FKTN: variants seen among roughly 807,000 people sequenced by gnomAD.
FKTN encodes the protein fukutin, also known as ribitol-5-phosphate transferase FKTN.
A neutral mutation model predicts 58.6 loss-of-function variants in FKTN; 47 were observed. The observed-to-expected ratio is 0.80, with a 90% CI of 0.63 to 1.02. The LOEUF is 1.02. Among genes scored for constraint, FKTN ranks in the 50% least tolerant of loss-of-function variants. The pLI is 0.00. For missense variants in FKTN, 516 were observed against 537.3 expected (o/e 0.96, Z 0.39); for synonymous variants, 178 against 191.9 (o/e 0.93, Z 0.60).
In FKTN at chr9:105,611,807, A is replaced by G. The variant is rs180744160; in HGVS notation, c.781-3471A>G. 1.2e-3 allele frequency among the ~76,000 whole-genome samples: 181 copies of G among 152,314 alleles called. 2 individuals are homozygous for G. Among genetic ancestry groups the G allele is most frequent in the African/African-American group, 4.3e-3 (178 of 41,574 alleles). ...TTGTGAATAGTGCTGCAGGGAACACACACATGTATGTGTCTTTATAAGAGA... is the reference window on the plus strand; with the variant it reads ...TTGTGAATAGTGCTGCAGGGAACACGCACATGTATGTGTCTTTATAAGAGA... On this transcript the variant is annotated intron_variant, in intron 7 of 10. Coordinates refer to ENST00000357998, the MANE Select transcript of FKTN (RefSeq NM_001079802.2).
chr9:105,606,821 A>T (rs1220165626), intron 6 of FKTN, among the ~76,000 whole-genome samples: 5 of 151,672 alleles, frequency 3.3e-5, no homozygotes, highest in Non-Finnish European at 7.4e-5. Context: ...TTTTTTGTGT[A>T]TGAAAAGTCG....
At chr9:105,578,128 G>A in intron 3 of FKTN, among the ~76,000 whole-genome samples, 1 of 151,432 alleles carries the variant, frequency 6.6e-6, no homozygotes. Context: ...GGGACAGTTT[G>A]ACTTCCTCTT....
rs753641411 is a variant in FKTN at position 105,596,632 on chromosome 9, G to A, written c.140G>A (p.Arg47Gln). Residue 47 changes from arginine (R) to glutamine (Q), a missense_variant, in exon 4 of 11, where the codon CGA (arginine) becomes CAA (glutamine). Physicochemically the swap from Arg to Gln is conservative, Grantham distance 43. Coordinates refer to ENST00000357998, the MANE Select transcript of FKTN (RefSeq NM_001079802.2). ...GGTTTGTCAAAATCCAAAGGAAGCC[G>A]AATTGGATTTGATAGCACACAGTGG... ...GAGLSKSKGS[R>Q]IGFDSTQWRA... 45 of 1,612,406 alleles carry A rather than the reference G, an allele frequency of 2.8e-5. No homozygotes were observed. Among genetic ancestry groups the A allele is most frequent in the Non-Finnish European group, 3.6e-5 (42 of 1,178,804 alleles).
In FKTN at chr9:105,638,077, T is replaced by C. The variant is rs1428420158; in HGVS notation, c.*2813T>C. 1 of 971,392 alleles carries C rather than the reference T, an allele frequency of 1.0e-6. No individual in the cohort carries two copies. The highest frequency in any genetic ancestry group is 1.1e-4 in the East Asian group (1 of 8,772). 60.2% of individuals were successfully genotyped at this position (971,392 alleles called of 1,614,324 possible). A position where few individuals can be genotyped will look rare whatever the true frequency, so the allele number is the denominator to read the frequency against. On this transcript the variant is annotated 3_prime_UTR_variant, in exon 11 of 11. Coordinates refer to ENST00000357998, the MANE Select transcript of FKTN (RefSeq NM_001079802.2). The stretch of plus-strand genomic sequence containing the variant: ...CTAGAAAAACCATAATGTAATATTC[T>C]TTTTAAACCCTCTTATTTTATAACT...
chr9:105,564,062 A>G (rs1838879586), intron 1 of FKTN, among the ~76,000 whole-genome samples: 2 of 152,202 alleles, frequency 1.3e-5, no homozygotes, highest in African/African-American at 4.8e-5. Context: ...CCTCCAGCAA[A>G]CTCCAACAGA....
rs147353336 is a variant in FKTN, at chr9:105,636,445, C to G, written c.*1181C>G. Reference sequence around the variant, plus strand: ...AGTTTGTAAAGTTTGTGTCCCTCCCCAGTTTTTCAGTCTGTTGAATGTCGA... The same window carrying G: ...AGTTTGTAAAGTTTGTGTCCCTCCCGAGTTTTTCAGTCTGTTGAATGTCGA... On this transcript the variant is annotated 3_prime_UTR_variant, in exon 11 of 11. Transcript: ENST00000357998. 1 of 989,822 alleles carries G rather than the reference C, an allele frequency of 1.0e-6. No individual in the cohort carries two copies. The highest frequency in any genetic ancestry group is 6.0e-5 in the Admixed American group (1 of 16,682). The allele number at this position is 989,822 out of a possible 1,614,324, so 61.3% of individuals were successfully genotyped here.
intron 1 of FKTN, among the ~76,000 whole-genome samples, chr9:105,571,272 A>G (rs535110677): frequency 6.2e-4 from 94 of 152,292 alleles, no homozygotes; most frequent in African/African-American, 2.2e-3. Flanking sequence ...GGTATTTTAA[A>G]GGTAAAATCA....
intron 10 of FKTN, among the ~76,000 whole-genome samples, chr9:105,630,955 ATAC>A (rs1248489512): frequency 6.6e-6 from 1 of 152,104 alleles, no homozygotes; most frequent in Admixed American, 6.5e-5. Context: ...CAACATGGTG[ATAC>A]CCCAACTCTA....
intron 1 of FKTN, among the ~76,000 whole-genome samples, chr9:105,566,547 G>T (rs1417426613): frequency 6.6e-6 from 1 of 152,086 alleles, no homozygotes; most frequent in Non-Finnish European, 1.5e-5. Context: ...AAATCTAGAA[G>T]AAATGGATAA....
chr9:105,563,519 C>T (rs200082171), intron 1 of FKTN, among the ~76,000 whole-genome samples: 45 of 151,926 alleles, frequency 3.0e-4, no homozygotes, highest in African/African-American at 1.0e-3. Context: ...ACGCCTGGCT[C>T]GGAGGGTCCT....
chr9:105,583,300 T>C (rs1286962811), intron 3 of FKTN, among the ~76,000 whole-genome samples: 1 of 152,218 alleles, frequency 6.6e-6, no homozygotes, highest in Non-Finnish European at 1.5e-5. Flanking sequence ...AGCAAAAACA[T>C]TGAGGTTTTG....
At chr9:105,619,551 G>T (rs1035468397) in intron 9 of FKTN, among the ~76,000 whole-genome samples, 11 of 152,204 alleles carry the variant, frequency 7.2e-5, no homozygotes, top group Admixed American at 2.6e-4. Context: ...TGTTATGAGA[G>T]ACTTATTTCC....
In FKTN at chr9:105,637,395, T is replaced by C; in HGVS notation, c.*2131T>C. The C allele has an allele frequency of 1.0e-6, 1 of 985,480 alleles. No individual in the cohort carries two copies. The highest frequency in any genetic ancestry group is 1.2e-6 in the Non-Finnish European group (1 of 829,954). The allele number at this position is 985,480 out of a possible 1,614,324, so 61.0% of individuals were successfully genotyped here. A position where few individuals can be genotyped will look rare whatever the true frequency, so the allele number is the denominator to read the frequency against. ...CTTCCCTACATAGACCACTGGCTGC[T>C]GAAATACTTTTCTTGTCTTCTGGTT... On this transcript the variant is annotated 3_prime_UTR_variant, in exon 11 of 11. Coordinates refer to ENST00000357998, the MANE Select transcript of FKTN (RefSeq NM_001079802.2).
chr9:105,621,978 A>G (rs1320623767), intron 10 of FKTN, among the ~76,000 whole-genome samples: 1 of 152,124 alleles, frequency 6.6e-6, no homozygotes, highest in Non-Finnish European at 1.5e-5. Flanking sequence ...GCATATTTCA[A>G]TTTTGATAGA....
In FKTN at chr9:105,638,184, T is replaced by C. The variant is rs1362144906; in HGVS notation, c.*2920T>C. On this transcript the variant is annotated 3_prime_UTR_variant, in exon 11 of 11. Transcript: ENST00000357998. ...AAGACTGCCGTGACTCCTAGTCCAA[T>C]GTCTGTTTCGCATCACAACACAGTA... 2.0e-6 allele frequency: 2 copies of C among 985,290 alleles called. No homozygotes were observed. Among genetic ancestry groups the C allele is most frequent in the African/African-American group, 3.5e-5 (2 of 57,236 alleles). 61.0% of individuals were successfully genotyped at this position (985,290 alleles called of 1,614,324 possible). A position where few individuals can be genotyped will look rare whatever the true frequency, so the allele number is the denominator to read the frequency against.
At chr9:105,619,689 T>A (rs1564330697) in intron 9 of FKTN, among the ~76,000 whole-genome samples, 1 of 152,166 alleles carries the variant, frequency 6.6e-6, no homozygotes, top group East Asian at 1.9e-4. Context: ...CATAAGTCAT[T>A]TACTCTGAGT....
chr9:105,571,528 G>A (rs993986863), intron 1 of FKTN, among the ~76,000 whole-genome samples: 2 of 152,132 alleles, frequency 1.3e-5, no homozygotes, highest in Non-Finnish European at 2.9e-5. Flanking sequence ...ATAAGAATTA[G>A]TTGTAAACTA....
At chr9:105,588,188 G>T (rs1198357445) in intron 3 of FKTN, among the ~76,000 whole-genome samples, 1 of 152,086 alleles carries the variant, frequency 6.6e-6, no homozygotes, top group Admixed American at 6.6e-5. Context: ...CCTACTTTCT[G>T]GATGCTTTTT....
intron 1 of FKTN, among the ~76,000 whole-genome samples, chr9:105,560,572 C>T (rs900972570): frequency 3.3e-5 from 5 of 152,144 alleles, no homozygotes; most frequent in Non-Finnish European, 7.4e-5. Flanking sequence ...AAAAATCACT[C>T]CTAATTCTCC....
Sources: gnomAD v4.1 joint callset for allele counts (sites outside exome capture counted in the v4.1 genomes callset) on GRCh38, gnomAD v4.1.1 for gene constraint, MANE v1.5 for transcripts, NCBI Gene and HGNC (gene_info 2026-07-23, HGNC 2026-07-21) for gene names.